Variants in SPTAN1 observed in about 807,000 individuals in gnomAD.
The protein encoded by SPTAN1 is spectrin alpha, non-erythrocytic 1, also known as spectrin alpha chain, non-erythrocytic 1.
In SPTAN1, 61 loss-of-function variants were observed where a neutral mutation model predicts 331.3. The observed-to-expected ratio is 0.18, with a 90% CI of 0.15 to 0.23. SPTAN1 has a LOEUF of 0.23. SPTAN1 is among the 10% of genes least tolerant of loss of function. The probability of loss-of-function intolerance (pLI) is 1.00; values close to 1 mark genes in which losing one functional copy is unlikely to be tolerated. For synonymous variants in SPTAN1, 1,153 were observed against 1,173.9 expected (o/e 0.98, Z 0.36); for missense variants, 2,043 against 3,147.9 (o/e 0.65, Z 8.40).
chr9:128,572,194 C>T (rs1312889158), intron 3 of SPTAN1, among the ~76,000 whole-genome samples: 1 of 152,180 alleles, frequency 6.6e-6, no homozygotes, highest in Non-Finnish European at 1.5e-5. Context: ...TACTTCATTC[C>T]TGTCTTCTTT....
In SPTAN1 at chr9:128,574,687, G is replaced by A; in HGVS notation, c.376G>A (p.Glu126Lys). The change falls in exon 4 of 57, where the codon GAG becomes AAG. Residue 126 changes from glutamate (E) to lysine (K), a missense_variant. By Grantham distance (56) the Glu-to-Lys change is moderately conservative. This residue lies in a region of SPTAN1 where 1,038 missense variants were observed against 1,531.5 expected (regional missense o/e 0.68). Coordinates refer to ENST00000372739, the MANE Select transcript of SPTAN1 (RefSeq NM_001130438.3). ...TTGAAACTTTCAGACCCGTTTGATG[G>A]AGCTGCACCGCCAGTGGGAATTACT... Reference protein sequence around the residue: ...ASETIRTRLMELHRQWELLLE... With the variant: ...ASETIRTRLMKLHRQWELLLE... The A allele has an allele frequency of 2.5e-6, 4 of 1,614,176 alleles. No homozygotes were observed. Among genetic ancestry groups the A allele is most frequent in the Non-Finnish European group, 3.4e-6 (4 of 1,180,026 alleles).
At chr9:128,559,713 G>T (rs1012840710) in intron 1 of SPTAN1, among the ~76,000 whole-genome samples, 1 of 151,966 alleles carries the variant, frequency 6.6e-6, no homozygotes, top group African/African-American at 2.4e-5. Context: ...TGTTTACCAA[G>T]ACTCAATCTT....
intron 35 of SPTAN1, 33 bp from the exon 36 acceptor site, chr9:128,609,089 C>T (rs2131634461): frequency 6.2e-7 from 1 of 1,614,200 alleles, no homozygotes; most frequent in South Asian, 1.1e-5. Flanking sequence ...GTAAGATATG[C>T]TCATGTTGGA....
rs1859822671 is a variant in SPTAN1, at chr9:128,631,976, C to T, written c.6763-151C>T. ...GGTGGTTGGGATTTCTTCAGCTTCA[C>T]CCCATCCCACTATTCCTATTCTAGA... On this transcript the variant is annotated intron_variant, in intron 52 of 56. Transcript: ENST00000372739. The T allele has an allele frequency of 5.3e-6, 4 of 754,914 alleles. No homozygotes were observed. In the Admixed American group the frequency reaches 1.0e-4, roughly 19 times the overall value. 46.8% of individuals were successfully genotyped at this position (754,914 alleles called of 1,614,324 possible). A position where few individuals can be genotyped will look rare whatever the true frequency, so the allele number is the denominator to read the frequency against.
chr9:128,579,528 A>G (rs746049622), intron 9 of SPTAN1, 109 bp from the exon 10 acceptor site: 1 of 823,686 alleles, frequency 1.2e-6, no homozygotes, highest in Non-Finnish European at 2.0e-6. Flanking sequence ...TTTGTTTCTC[A>G]TTTTAGATGT....
At chr9:128,597,466 G>A (rs1461675704) in intron 24 of SPTAN1, among the ~76,000 whole-genome samples, 2 of 152,184 alleles carry the variant, frequency 1.3e-5, no homozygotes, top group Non-Finnish European at 2.9e-5. Context: ...AGAGACTGCA[G>A]TGATCCATGA....
At chr9:128,559,296 C>G (rs1849010259) in intron 1 of SPTAN1, among the ~76,000 whole-genome samples, 1 of 152,192 alleles carries the variant, frequency 6.6e-6, no homozygotes, top group Non-Finnish European at 1.5e-5. Context: ...AACTGTCTCT[C>G]TGGATTGGCA....
At position 128,578,450 on chromosome 9, in the gene SPTAN1, G is replaced by A. The variant is rs576995498; in HGVS notation, c.1221+205G>A. On this transcript the variant is annotated intron_variant, in intron 9 of 56. Coordinates refer to ENST00000372739, the MANE Select transcript of SPTAN1 (RefSeq NM_001130438.3). The stretch of plus-strand genomic sequence containing the variant: ...GCTTAACTGGGTTCAGTGTCAAGAG[G>A]TTCACTGTGGTCCATAAAAGCAAAC... 2.6e-5 allele frequency among the ~76,000 whole-genome samples: 4 copies of A among 152,288 alleles called. No homozygotes were observed. In the East Asian group the frequency reaches 7.7e-4, roughly 29 times the overall value.
At chr9:128,575,836 A>C (rs1851243632) in intron 5 of SPTAN1, among the ~76,000 whole-genome samples, 1 of 152,318 alleles carries the variant, frequency 6.6e-6, no homozygotes, top group African/African-American at 2.4e-5. Flanking sequence ...ACCCTTCCCC[A>C]GTGCCCACGT....
Position 128,618,898 on chromosome 9 carries a change from A to G in SPTAN1, c.5628A>G (p.Glu1876=), listed in dbSNP as rs1589358990. 3.1e-6 allele frequency: 5 copies of G among 1,614,172 alleles called. No individual in the cohort carries two copies. Among genetic ancestry groups the G allele is most frequent in the Non-Finnish European group, 3.4e-6 (4 of 1,180,020 alleles). ...ARGQRLEESL[E]YQQFVANVEE... is the part of the protein sequence containing the mutation. Reference sequence around the variant, plus strand: ...GTCAGCGGCTGGAAGAGTCCTTGGAATATCAGCAGTTTGTAGCCAATGTGG... The same window carrying G: ...GTCAGCGGCTGGAAGAGTCCTTGGAGTATCAGCAGTTTGTAGCCAATGTGG... The change falls in exon 44 of 57, where the codon GAA becomes GAG. Residue 1876 remains glutamate, a synonymous_variant. Coordinates refer to ENST00000372739, the MANE Select transcript of SPTAN1 (RefSeq NM_001130438.3).
intron 24 of SPTAN1, among the ~76,000 whole-genome samples, chr9:128,595,052 CGCCTGCCTCA>C (rs1854084308): frequency 6.6e-6 from 1 of 151,572 alleles, no homozygotes; most frequent in African/African-American, 2.4e-5. Context: ...TCAGGTGATC[CGCCTGCCTCA>C]GCCTCCCAAA....
intron 27 of SPTAN1, among the ~76,000 whole-genome samples, chr9:128,600,458 G>T (rs1462853685): frequency 6.6e-6 from 1 of 152,134 alleles, no homozygotes; most frequent in Non-Finnish European, 1.5e-5. Flanking sequence ...ATGTAAAGGA[G>T]GGCAGGCCTT....
At chr9:128,619,960 G>A (rs2131832951) in intron 44 of SPTAN1, among the ~76,000 whole-genome samples, 1 of 152,312 alleles carries the variant, frequency 6.6e-6, no homozygotes, top group South Asian at 2.1e-4. Context: ...ACTGGCAGCT[G>A]AGCCTGATTG....
chr9:128,604,998 T>G, intron 29 of SPTAN1, 36 bp from the exon 30 acceptor site: 1 of 1,613,632 alleles, frequency 6.2e-7, no homozygotes, highest in Non-Finnish European at 8.5e-7. Context: ...GCAGTTGTAC[T>G]TGGCATTTCT....
At chr9:128,563,914 A>G (rs549761259) in intron 1 of SPTAN1, among the ~76,000 whole-genome samples, 2 of 152,140 alleles carry the variant, frequency 1.3e-5, no homozygotes, top group South Asian at 4.2e-4. Flanking sequence ...CTGGGATTGC[A>G]GATGTGAGCC....
At chr9:128,593,502 C>T (rs897329415) in intron 23 of SPTAN1, 7 of 202,010 alleles carry the variant, frequency 3.5e-5, no homozygotes, top group African/African-American at 9.3e-5. Flanking sequence ...TTGTTGTTTT[C>T]GTGTTCAAAG....
rs1554766358 is a variant in SPTAN1 at position 128,625,186 on chromosome 9, C to T, written c.6069+7C>T. On this transcript the variant is annotated splice_region_variant and intron_variant, in intron 47 of 56. Transcript: ENST00000372739. The surrounding 1 kb of genome is among the most constrained non-coding windows in gnomAD (Gnocchi z 4.1). ...GACGCTCCTCACCAAACAGGTCTGC[C>T]CTGGCCCCTTCACTGGTTGAAATGT... The T allele has an allele frequency of 4.3e-6, 7 of 1,613,956 alleles. No individual in the cohort carries two copies. The highest frequency in any genetic ancestry group is 5.9e-6 in the Non-Finnish European group (7 of 1,179,862).
chr9:128,553,428 T>A (rs1328051807), intron 1 of SPTAN1: 1 of 152,144 alleles, frequency 6.6e-6, no homozygotes, highest in Non-Finnish European at 1.5e-5. Context: ...CGTTCTTGTT[T>A]GTGTGTGTGT....
chr9:128,568,700 CGGG>C, intron 2 of SPTAN1, 69 bp from the exon 3 acceptor site: 1 of 1,601,654 alleles, frequency 6.2e-7, no homozygotes, highest in Non-Finnish European at 8.5e-7. Flanking sequence ...GGGAGGAACA[CGGG>C]GAACAGCGGG....
Sources: gnomAD v4.1 joint callset for allele counts (sites outside exome capture counted in the v4.1 genomes callset) on GRCh38, gnomAD v4.1.1 for gene constraint, gnomAD v4.1.1 regional missense constraint, Gnocchi (gnomAD v3.1) non-coding constraint, MANE v1.5 for transcripts, NCBI Gene and HGNC (gene_info 2026-07-23, HGNC 2026-07-21) for gene names.